TUSC3: variants seen among roughly 807,000 people sequenced by gnomAD.
The protein encoded by TUSC3 is tumor suppressor candidate 3, also known as dolichyl-diphosphooligosaccharide--protein glycosyltransferase subunit TUSC3.
In TUSC3, 45 loss-of-function variants were observed where a neutral mutation model predicts 44.8. That is an observed-to-expected ratio of 1.00 (90% CI 0.79 to 1.29). TUSC3 has a LOEUF of 1.29. Ranked by LOEUF, TUSC3 falls within the 50% of genes most tolerant of loss-of-function variation. TUSC3 has a pLI of 0.00. For missense variants in TUSC3, 519 were observed against 437.9 expected (o/e 1.19, Z -1.65); for synonymous variants, 212 against 152.9 (o/e 1.39, Z -2.85).
At chr8:15,741,545 C>T (rs1811198054) in intron 7 of TUSC3, among the ~76,000 whole-genome samples, 1 of 152,084 alleles carries the variant, frequency 6.6e-6, no homozygotes, top group Non-Finnish European at 1.5e-5. Context: ...GTTGTCCGGG[C>T]ATGGCGGTGC....
chr8:15,465,383 C>G (rs1037456960), intron 1 of TUSC3, among the ~76,000 whole-genome samples: 1 of 152,116 alleles, frequency 6.6e-6, no homozygotes, highest in Non-Finnish European at 1.5e-5. Flanking sequence ...AGATTTTGAA[C>G]CACCAGCAGA....
chr8:15,519,399 C>T (rs1452479346), intron 2 of TUSC3, among the ~76,000 whole-genome samples: 1 of 152,102 alleles, frequency 6.6e-6, no homozygotes, highest in East Asian at 1.9e-4. Context: ...TCATAAATTA[C>T]AGTCACTTGA....
chr8:15,440,662 A>G (rs73191104), intron 1 of TUSC3, among the ~76,000 whole-genome samples: 24,701 of 152,140 alleles, frequency 0.16, 2,093 homozygotes, highest in Middle Eastern at 0.22. Flanking sequence ...ATTTTAAACA[A>G]TGCTACAAAA....
rs1434540112 is a variant in TUSC3 at position 15,603,775 on chromosome 8, ACTG to A, written c.139-19302_139-19300del. On this transcript the variant is annotated intron_variant, in intron 1 of 10. Transcript: ENST00000503731. The stretch of plus-strand genomic sequence containing the variant: ...TCCTATGGTTTACCAAGTCACAGGG[ACTG>A]CTAATTCTATTTTTTTTTTGCCTCC... Among the ~76,000 whole-genome samples the A allele has an allele frequency of 9.6e-5, 13 of 135,980 alleles. No individual in the cohort carries two copies. In the East Asian group the frequency reaches 1.5e-3, roughly 16 times the overall value. 89.2% of individuals were successfully genotyped at this position (135,980 alleles called of 152,430 possible). A position where few individuals can be genotyped will look rare whatever the true frequency, so the allele number is the denominator to read the frequency against.
chr8:15,824,473 C>CTT, the TUSC3 span, among the ~76,000 whole-genome samples: 19 of 151,570 alleles, frequency 1.3e-4, no homozygotes, highest in Admixed American at 5.3e-4. Flanking sequence ...ATGAACTCAT[C>CTT]ATTTTTTATG....
chr8:15,649,568 A>G (rs1382054678), intron 2 of TUSC3, among the ~76,000 whole-genome samples: 3 of 150,312 alleles, frequency 2.0e-5, no homozygotes, highest in Non-Finnish European at 4.4e-5. Context: ...TGGGCGACAG[A>G]GCAAGACTCC....
chr8:15,817,524 T>TG, the TUSC3 span, among the ~76,000 whole-genome samples: 1 of 152,100 alleles, frequency 6.6e-6, no homozygotes, highest in East Asian at 1.9e-4. Context: ...AATTGAATCA[T>TG]GGGGGTGGTT....
At chr8:15,673,273 A>G (rs1241179670) in intron 5 of TUSC3, among the ~76,000 whole-genome samples, 3 of 152,120 alleles carry the variant, frequency 2.0e-5, no homozygotes, top group Non-Finnish European at 2.9e-5. Context: ...AACTTTGCTG[A>G]AAGTATTTAG....
intron 2 of TUSC3, among the ~76,000 whole-genome samples, chr8:15,630,255 A>C (rs963398065): frequency 3.3e-5 from 5 of 152,162 alleles, no homozygotes; most frequent in African/African-American, 1.2e-4. Context: ...AGTTTTGGTG[A>C]TGTGTTGGAG....
At chr8:15,632,536 G>C (rs1003326793) in intron 2 of TUSC3, among the ~76,000 whole-genome samples, 2 of 152,100 alleles carry the variant, frequency 1.3e-5, no homozygotes, top group Admixed American at 1.3e-4. Context: ...GGAGATAAGT[G>C]GCTTGGGAGG....
intron 1 of TUSC3, among the ~76,000 whole-genome samples, chr8:15,597,887 T>C (rs1227862097): frequency 6.6e-6 from 1 of 152,108 alleles, no homozygotes; most frequent in East Asian, 1.9e-4. Context: ...CATTAGTTAA[T>C]ATTGTCCTTT....
At position 15,540,805 on chromosome 8, in the gene TUSC3, A is replaced by G. The variant is rs1295598711; in HGVS notation, c.138+237A>G. Among the ~76,000 whole-genome samples, 3 of 152,256 alleles carry G rather than the reference A, an allele frequency of 2.0e-5. No homozygotes were observed. The East Asian group carries it at 5.8e-4, about 30-fold the overall frequency. On this transcript the variant is annotated intron_variant, in intron 1 of 10. Transcript: ENST00000503731. ...GTTCTTGACTGCTTCTGAGCACCTC[A>G]CACCTTTCAGACCCAGGGCGCCTTT...
intron 1 of TUSC3, among the ~76,000 whole-genome samples, chr8:15,562,144 C>G (rs909479423): frequency 6.6e-6 from 1 of 152,092 alleles, no homozygotes; most frequent in African/African-American, 2.4e-5. Flanking sequence ...TAAGAACTTC[C>G]CGGCATTTTC....
chr8:15,758,037 T>A, intron 10 of TUSC3, 182 bp downstream of exon 10: 1 of 1,398,532 alleles, frequency 7.2e-7, no homozygotes, highest in Non-Finnish European at 9.3e-7. Context: ...CAGGGAGAAG[T>A]CCTCAGATAA....
chr8:15,502,483 T>A (rs776902868), intron 2 of TUSC3, among the ~76,000 whole-genome samples: 17 of 151,930 alleles, frequency 1.1e-4, no homozygotes, highest in Non-Finnish European at 2.2e-4. Flanking sequence ...ATATATATAT[T>A]TTCTTGTTTG....
chr8:15,561,084 G>A (rs200631165), intron 1 of TUSC3, among the ~76,000 whole-genome samples: 2,208 of 123,296 alleles, frequency 0.018, 79 homozygotes, highest in East Asian at 0.17. Flanking sequence ...GGCGCTCTGC[G>A]TTTTAGAGTT....
chr8:15,709,877 G>C lies in TUSC3; in HGVS notation c.799-20789G>C, dbSNP rs529121618. Among the ~76,000 whole-genome samples, 4 of 151,772 alleles carry C rather than the reference G, an allele frequency of 2.6e-5. No homozygotes were observed. The East Asian group carries it at 7.8e-4, about 29-fold the overall frequency. The stretch of plus-strand genomic sequence containing the variant: ...GGCTCACCTACATCTTTTCCTTGTT[G>C]CAGTCCATTACATTATGGCACTCAA... On this transcript the variant is annotated intron_variant, in intron 6 of 10. Transcript: ENST00000503731.
At chr8:15,787,902 A>G in the TUSC3 span, among the ~76,000 whole-genome samples, 1 of 152,244 alleles carries the variant, frequency 6.6e-6, no homozygotes, top group Non-Finnish European at 1.5e-5. Flanking sequence ...ATCATTTACT[A>G]CTTGGAGAGA....
intron 1 of TUSC3, among the ~76,000 whole-genome samples, chr8:15,441,769 G>T (rs1230987313): frequency 6.6e-6 from 1 of 151,818 alleles, no homozygotes; most frequent in Non-Finnish European, 1.5e-5. Flanking sequence ...AAGCTGACAT[G>T]AGGTGTCCTG....
Sources: allele counts gnomAD v4.1 joint callset (sites outside exome capture counted in the v4.1 genomes callset), GRCh38; gene constraint gnomAD v4.1.1; transcripts MANE v1.5; gene names NCBI Gene and HGNC (gene_info 2026-07-23, HGNC 2026-07-21).